The following ADD2 variants were observed in gnomAD, a reference collection of about 807,000 sequenced individuals.
The protein encoded by ADD2 is beta-adducin.
ADD2 carries 23 observed loss-of-function variants against 83.0 expected under a neutral mutation model. The ratio of observed to expected loss-of-function variants is 0.28; its 90% CI spans 0.20 to 0.39. The LOEUF is 0.39. ADD2 is among the 10% of genes least tolerant of loss of function. The pLI is 1.00. For missense variants in ADD2, 758 were observed against 944.9 expected, an observed-to-expected ratio of 0.80 and a Z score of 2.59; for synonymous variants, 375 against 375.4, an observed-to-expected ratio of 1.00 and a Z score of 0.01.
chr2:70,714,659 T>C (rs1019522879), intron 1 of ADD2, among the ~76,000 whole-genome samples: 1 of 152,136 alleles, frequency 6.6e-6, no homozygotes, highest in Non-Finnish European at 1.5e-5. Context: ...TAGAACAGGG[T>C]CCTAGCCACC....
At position 70,681,526 on chromosome 2, in the gene ADD2, C is replaced by T. The variant is rs147380479; in HGVS notation, c.1125+2065G>A. Among the ~76,000 whole-genome samples, 12 of 152,316 alleles carry T rather than the reference C, an allele frequency of 7.9e-5. 1 individual carries two copies. In the East Asian group the frequency reaches 2.3e-3, roughly 29 times the overall value. ...CAGTGAGATTGATTTGAGTCTGTCT[C>T]CTGCATGGCATGGCCAGCCTCGCAT... is the stretch of plus-strand genomic sequence containing the variant. On this transcript the variant is annotated intron_variant, in intron 10 of 15. Coordinates refer to ENST00000264436, the MANE Select transcript of ADD2 (RefSeq NM_001617.4).
At chr2:70,759,057 G>A (rs1330464197) in intron 1 of ADD2, among the ~76,000 whole-genome samples, 1 of 152,162 alleles carries the variant, frequency 6.6e-6, no homozygotes, top group East Asian at 1.9e-4. Flanking sequence ...GATGTCAAAT[G>A]GTCCTTAGAG....
intron 1 of ADD2, among the ~76,000 whole-genome samples, chr2:70,729,171 C>T (rs1553378865): frequency 1.3e-5 from 2 of 152,172 alleles, no homozygotes; most frequent in South Asian, 2.1e-4. Context: ...TGCCAGGGCA[C>T]TCCTTCCCTC....
chr2:70,738,182 A>G (rs1177335918), intron 1 of ADD2, among the ~76,000 whole-genome samples: 1 of 152,252 alleles, frequency 6.6e-6, no homozygotes, highest in Admixed American at 6.5e-5. Context: ...GGATGTTCAA[A>G]TGATTATAAA....
chr2:70,692,279 G>T, intron 7 of ADD2, 124 bp downstream of exon 7: 1 of 1,146,560 alleles, frequency 8.7e-7, no homozygotes, highest in Non-Finnish European at 1.2e-6. Flanking sequence ...TTCCACGTTG[G>T]GAGTTCTCTC....
chr2:70,702,121 T>G (rs1333060930), intron 4 of ADD2, among the ~76,000 whole-genome samples: 1 of 152,222 alleles, frequency 6.6e-6, no homozygotes, highest in African/African-American at 2.4e-5. Flanking sequence ...AAAAGGAATT[T>G]TTAAGGTCAA....
intron 9 of ADD2, among the ~76,000 whole-genome samples, chr2:70,686,900 G>A (rs1246119525): frequency 4.6e-5 from 7 of 152,174 alleles, no homozygotes; most frequent in Non-Finnish European, 7.4e-5. Context: ...CCACTGCAGA[G>A]CCTCCACCAG....
intron 4 of ADD2, among the ~76,000 whole-genome samples, chr2:70,702,994 T>G (rs1479198426): frequency 4.6e-5 from 7 of 151,948 alleles, no homozygotes; most frequent in African/African-American, 1.5e-4. Context: ...AGGCATGTGG[T>G]GCGTGCCCGT....
intron 1 of ADD2, 112 bp from the exon 2 acceptor site, chr2:70,713,296 T>G: frequency 2.5e-6 from 1 of 392,718 alleles, no homozygotes; most frequent in Non-Finnish European, 3.5e-6. Context: ...GAATTTTTAT[T>G]TTAAAAGCAA....
chr2:70,741,899 C>T (rs1472053830), intron 1 of ADD2, among the ~76,000 whole-genome samples: 1 of 152,222 alleles, frequency 6.6e-6, no homozygotes, highest in Non-Finnish European at 1.5e-5. Context: ...CCACACATCC[C>T]ACCCAGCTGT....
chr2:70,760,122 A>G (rs1358740891), intron 1 of ADD2, among the ~76,000 whole-genome samples: 1 of 152,182 alleles, frequency 6.6e-6, no homozygotes, highest in Non-Finnish European at 1.5e-5. Context: ...TAAAACTCAA[A>G]TCGATGTTTT....
intron 1 of ADD2, among the ~76,000 whole-genome samples, chr2:70,755,920 A>C (rs76016294): frequency 6.6e-6 from 1 of 152,002 alleles, no homozygotes; most frequent in Non-Finnish European, 1.5e-5. Flanking sequence ...TCAGCTAGGC[A>C]TGGTGGCACA....
intron 1 of ADD2, among the ~76,000 whole-genome samples, chr2:70,756,962 G>T (rs555662831): frequency 5.9e-5 from 9 of 152,288 alleles, no homozygotes; most frequent in Admixed American, 1.3e-4. Flanking sequence ...CCAAGCAGCT[G>T]GGATTACAGG....
At chr2:70,709,179 C>T (rs546640707) in intron 2 of ADD2, among the ~76,000 whole-genome samples, 37 of 152,286 alleles carry the variant, frequency 2.4e-4, no homozygotes, top group African/African-American at 4.8e-4. Flanking sequence ...AATCATTCCA[C>T]TAGTTAGTCA....
At chr2:70,752,920 T>C (rs1264060880) in intron 1 of ADD2, among the ~76,000 whole-genome samples, 23 of 152,214 alleles carry the variant, frequency 1.5e-4, no homozygotes, top group Admixed American at 1.3e-3. Flanking sequence ...GATCCCCAGG[T>C]GATCAGTGTG....
At chr2:70,695,930 C>A (rs76857768) in intron 5 of ADD2, 129 bp from the exon 6 acceptor site, 6 of 763,642 alleles carry the variant, frequency 7.9e-6, no homozygotes, top group East Asian at 2.7e-5. Flanking sequence ...CCTTATCTCT[C>A]CCCCCCAGCC....
chr2:70,698,392 C>G (rs1172594610), intron 4 of ADD2, among the ~76,000 whole-genome samples: 2 of 152,160 alleles, frequency 1.3e-5, no homozygotes, highest in African/African-American at 4.8e-5. Context: ...CAGGAGGGCT[C>G]AAAAGGAGCT....
intron 1 of ADD2, among the ~76,000 whole-genome samples, chr2:70,763,862 A>G (rs1049229686): frequency 2.0e-5 from 3 of 151,732 alleles, no homozygotes; most frequent in African/African-American, 4.9e-5. Flanking sequence ...TCACTTAACC[A>G]TCAGAACAAA....
At chr2:70,717,055 AC>A (rs1672506137) in intron 1 of ADD2, among the ~76,000 whole-genome samples, 1 of 151,366 alleles carries the variant, frequency 6.6e-6, no homozygotes, top group South Asian at 2.1e-4. Flanking sequence ...TCCCTTGAGC[AC>A]CCCCTCACCT....
Sources: gnomAD v4.1 joint callset for allele counts (sites outside exome capture counted in the v4.1 genomes callset) on GRCh38, gnomAD v4.1.1 for gene constraint, MANE v1.5 for transcripts, NCBI Gene and HGNC (gene_info 2026-07-23, HGNC 2026-07-21) for gene names.